The following DPYD variants were observed in gnomAD, a reference collection of about 807,000 sequenced individuals.
The protein encoded by DPYD is dihydropyrimidine dehydrogenase [NADP(+)].
A neutral mutation model predicts 116.2 loss-of-function variants in DPYD; 109 were observed. That is an observed-to-expected ratio of 0.94 (90% CI 0.80 to 1.10). The LOEUF (loss-of-function observed/expected upper bound fraction) is 1.10. Among genes scored for constraint, DPYD ranks in the 50% least tolerant of loss-of-function variants. DPYD has a pLI of 0.00. For synonymous variants in DPYD, 440 were observed against 432.0 expected (o/e 1.02, Z -0.23); for missense variants, 1,302 against 1,254.5 (o/e 1.04, Z -0.57).
chr1:97,724,572 G>T (rs1397926373), intron 4 of DPYD, among the ~76,000 whole-genome samples: 1 of 151,440 alleles, frequency 6.6e-6, no homozygotes, highest in African/African-American at 2.4e-5. Flanking sequence ...AAGGTAGTCA[G>T]ACAGGAAGAA....
intron 12 of DPYD, among the ~76,000 whole-genome samples, chr1:97,540,324 TG>T (rs1338161648): frequency 3.1e-4 from 4 of 13,082 alleles, no homozygotes; most frequent in African/African-American, 1.6e-3. Flanking sequence ...GAACCCGGGG[TG>T]GGGGGTGGGG....
At chr1:97,808,914 A>T (rs560685734) in intron 3 of DPYD, among the ~76,000 whole-genome samples, 2 of 152,290 alleles carry the variant, frequency 1.3e-5, no homozygotes, top group South Asian at 4.1e-4. Context: ...GTTCAGTTCA[A>T]AATATTTTTT....
chr1:97,802,003 T>C (rs1667870781), intron 3 of DPYD, among the ~76,000 whole-genome samples: 1 of 151,936 alleles, frequency 6.6e-6, no homozygotes, highest in Non-Finnish European at 1.5e-5. Flanking sequence ...GAAATTAAAA[T>C]TAAAATTCAT....
chr1:97,150,409 C>T (rs1183506287), intron 20 of DPYD, among the ~76,000 whole-genome samples: 2 of 152,094 alleles, frequency 1.3e-5, no homozygotes, highest in South Asian at 4.1e-4. Context: ...TAAACATTTG[C>T]TGGATGGATG....
intron 4 of DPYD, among the ~76,000 whole-genome samples, chr1:97,732,206 T>C (rs1001850580): frequency 6.6e-6 from 1 of 152,008 alleles, no homozygotes; most frequent in Non-Finnish European, 1.5e-5. Flanking sequence ...AAAGTAAAAA[T>C]GAGCCGGGAG....
At chr1:97,755,592 C>T (rs541539988) in intron 3 of DPYD, among the ~76,000 whole-genome samples, 2 of 152,262 alleles carry the variant, frequency 1.3e-5, no homozygotes, top group Admixed American at 1.3e-4. Flanking sequence ...AACAAATCAT[C>T]CCTTCTTTCA....
At chr1:97,191,952 T>C (rs1348769247) in intron 20 of DPYD, among the ~76,000 whole-genome samples, 1 of 152,200 alleles carries the variant, frequency 6.6e-6, no homozygotes, top group Non-Finnish European at 1.5e-5. Flanking sequence ...CTAATTACAA[T>C]ATTATAAATA....
In DPYD at chr1:97,485,130, G is replaced by A. The variant is rs546261836; in HGVS notation, c.1740+30596C>T. Among the ~76,000 whole-genome samples the A allele has an allele frequency of 6.6e-5, 10 of 152,268 alleles. No individual in the cohort carries two copies. In the East Asian group the frequency reaches 1.7e-3, roughly 27 times the overall value. The stretch of plus-strand genomic sequence containing the variant: ...TTAGGTCTTTCAACATTTCTGGACA[G>A]TCTCAGCTAACTTCTTTGTATTGGA... On this transcript the variant is annotated intron_variant, in intron 13 of 22. Transcript: ENST00000370192.
intron 21 of DPYD, among the ~76,000 whole-genome samples, chr1:97,098,108 T>C (rs941265129): frequency 2.6e-5 from 4 of 152,098 alleles, no homozygotes; most frequent in East Asian, 1.9e-4. Flanking sequence ...CACATTGATA[T>C]TGATGTGCTT....
intron 19 of DPYD, among the ~76,000 whole-genome samples, chr1:97,219,217 G>A (rs1182333807): frequency 6.6e-6 from 1 of 152,156 alleles, no homozygotes; most frequent in African/African-American, 2.4e-5. Context: ...TGTCATGAAT[G>A]GAAACTCTTA....
intron 18 of DPYD, among the ~76,000 whole-genome samples, chr1:97,258,414 C>T (rs767850923): frequency 2.0e-5 from 3 of 152,200 alleles, no homozygotes; most frequent in Admixed American, 6.5e-5. Context: ...GCTGCTCCCG[C>T]CTTCCATCCT....
chr1:97,365,470 T>C (rs1246286399), intron 16 of DPYD, among the ~76,000 whole-genome samples: 5 of 152,228 alleles, frequency 3.3e-5, no homozygotes, highest in Admixed American at 2.0e-4. Context: ...ATTTCATCCT[T>C]ATGCTATAGT....
chr1:97,254,997 A>G (rs1663354273), intron 18 of DPYD, among the ~76,000 whole-genome samples: 1 of 152,134 alleles, frequency 6.6e-6, no homozygotes, highest in Non-Finnish European at 1.5e-5. Context: ...GGTTGTGGTA[A>G]ACTGTTCATC....
At chr1:97,771,815 T>C (rs1366042562) in intron 3 of DPYD, among the ~76,000 whole-genome samples, 1 of 152,184 alleles carries the variant, frequency 6.6e-6, no homozygotes, top group East Asian at 1.9e-4. Context: ...CATTGCTGTT[T>C]CAAAATGAAT....
intron 3 of DPYD, among the ~76,000 whole-genome samples, chr1:97,751,460 G>GTGTGTGTGTATATATA (rs763260651): frequency 1.5e-3 from 32 of 21,288 alleles, no homozygotes; most frequent in East Asian, 7.1e-3. Flanking sequence ...GTGTGTGTGT[G>GTGTGTGTGTATATATA]TATATATATA....
At chr1:97,626,520 T>C (rs1337419649) in intron 8 of DPYD, among the ~76,000 whole-genome samples, 1 of 152,090 alleles carries the variant, frequency 6.6e-6, no homozygotes, top group Non-Finnish European at 1.5e-5. Context: ...CAAGCTCCTC[T>C]GCCTAACTGA....
intron 11 of DPYD, among the ~76,000 whole-genome samples, chr1:97,556,462 G>A (rs1482750085): frequency 5.0e-4 from 71 of 142,808 alleles, no homozygotes; most frequent in South Asian, 1.4e-3. Context: ...CCACTAACTC[G>A]TCATCTAGCA....
intron 2 of DPYD, among the ~76,000 whole-genome samples, chr1:97,860,053 A>G (rs573867464): frequency 3.2e-4 from 49 of 152,254 alleles, no homozygotes; most frequent in African/African-American, 1.0e-3. Context: ...TAAAAATTCT[A>G]AATATTAGGC....
chr1:97,404,175 T>C (rs1673522298), intron 14 of DPYD, among the ~76,000 whole-genome samples: 1 of 152,090 alleles, frequency 6.6e-6, no homozygotes. Flanking sequence ...ATTTCTGTCC[T>C]TTTAAAATTT....
Sources: allele counts gnomAD v4.1 joint callset (sites outside exome capture counted in the v4.1 genomes callset), GRCh38; gene constraint gnomAD v4.1.1; transcripts MANE v1.5; gene names NCBI Gene and HGNC (gene_info 2026-07-23, HGNC 2026-07-21).